The following RXFP1 variants were observed in gnomAD, a reference collection of about 807,000 sequenced individuals.
RXFP1 encodes the protein relaxin family peptide receptor 1, also known as relaxin receptor 1.
A neutral mutation model predicts 89.8 loss-of-function variants in RXFP1; 73 were observed. The observed-to-expected ratio is 0.81, with a 90% CI of 0.67 to 0.99. RXFP1 has a LOEUF of 0.99. Ranked by LOEUF, RXFP1 falls within the 50% of genes least tolerant of loss-of-function variation. The probability of loss-of-function intolerance (pLI) is 0.00; values close to 1 mark genes in which losing one functional copy is unlikely to be tolerated. For missense variants in RXFP1, 793 were observed against 895.5 expected (o/e 0.89, Z 1.46); for synonymous variants, 277 against 305.5 (o/e 0.91, Z 0.97).
At chr4:158,614,128 C>T (rs898379688) in intron 8 of RXFP1, among the ~76,000 whole-genome samples, 1 of 152,100 alleles carries the variant, frequency 6.6e-6, no homozygotes, top group South Asian at 2.1e-4. Flanking sequence ...ATGCTGTAAA[C>T]AGATGTGCTG....
At chr4:158,524,552 T>G (rs1293854515) in intron 1 of RXFP1, among the ~76,000 whole-genome samples, 1 of 152,194 alleles carries the variant, frequency 6.6e-6, no homozygotes, top group African/African-American at 2.4e-5. Context: ...AAAGATTTCC[T>G]TTTAGCCTTG....
At chr4:158,619,444 T>C (rs1580119829) in intron 9 of RXFP1, among the ~76,000 whole-genome samples, 2 of 152,032 alleles carry the variant, frequency 1.3e-5, no homozygotes, top group East Asian at 3.9e-4. Context: ...GGATGAAGAG[T>C]TGGCTGGCGT....
At chr4:158,574,285 T>C (rs1755760993) in intron 2 of RXFP1, among the ~76,000 whole-genome samples, 1 of 152,226 alleles carries the variant, frequency 6.6e-6, no homozygotes, top group Admixed American at 6.5e-5. Flanking sequence ...GGCCTTGCTG[T>C]GATCACTCCC....
At chr4:158,522,753 GA>G (rs1268877257) in intron 1 of RXFP1, among the ~76,000 whole-genome samples, 2 of 152,240 alleles carry the variant, frequency 1.3e-5, no homozygotes, top group Non-Finnish European at 2.9e-5. Context: ...AATAAATGAT[GA>G]AAAAGTCAAA....
At position 158,614,923 on chromosome 4, in the gene RXFP1, CT is replaced by C. The variant is rs199508699; in HGVS notation, c.681-2199del. 1.1e-3 allele frequency among the ~76,000 whole-genome samples: 159 copies of C among 150,776 alleles called. 1 individual carries two copies. In the East Asian group the frequency reaches 0.027, roughly 25 times the overall value. ...CGAGCAGTATATCTTGAAAGAAAAC[CT>C]TTTTTTTTCTGAGAAGTAGGTCTCA... On this transcript the variant is annotated intron_variant, in intron 8 of 17. Coordinates refer to ENST00000307765, the MANE Select transcript of RXFP1 (RefSeq NM_021634.4).
chr4:158,562,659 A>G (rs1004865549), intron 1 of RXFP1, among the ~76,000 whole-genome samples: 34 of 151,502 alleles, frequency 2.2e-4, no homozygotes, highest in African/African-American at 7.3e-4. Context: ...ACCAGGATAT[A>G]TATCTTGAGT....
In RXFP1 at chr4:158,647,011, AC is replaced by A. The variant is rs773875310; in HGVS notation, c.1568del (p.Pro523LeufsTer10). The A allele has an allele frequency of 6.2e-7, 1 of 1,614,128 alleles. No individual in the cohort carries two copies. Among genetic ancestry groups the A allele is most frequent in the South Asian group, 1.1e-5 (1 of 91,084 alleles). ...CIVYPFRCVR[P>X]GKCRTITVLI... is the part of the protein sequence containing the mutation. ...TTGTCTATCCTTTTAGATGTGTGAG[AC>A]CTGGAAAATGCAGAACAATTACAGT... On this transcript the variant is annotated frameshift_variant, in exon 16 of 18. Transcript: ENST00000307765. LOFTEE classifies it high-confidence loss of function.
intron 4 of RXFP1, among the ~76,000 whole-genome samples, chr4:158,603,393 G>A (rs1762030459): frequency 1.3e-5 from 2 of 152,186 alleles, no homozygotes; most frequent in Admixed American, 1.3e-4. Context: ...TTTGGTGACA[G>A]CCAGCAACTG....
intron 9 of RXFP1, among the ~76,000 whole-genome samples, chr4:158,620,587 A>C (rs1207563143): frequency 2.0e-5 from 3 of 152,198 alleles, no homozygotes; most frequent in Non-Finnish European, 4.4e-5. Context: ...ACTGTAAAAC[A>C]AAGACAAGAA....
chr4:158,575,864 A>T, intron 2 of RXFP1, among the ~76,000 whole-genome samples: 1 of 152,262 alleles, frequency 6.6e-6, no homozygotes, highest in East Asian at 1.9e-4. Context: ...TTACAAACAT[A>T]GTGGCCTAAA....
intron 1 of RXFP1, among the ~76,000 whole-genome samples, chr4:158,567,687 AT>A (rs1295187849): frequency 6.6e-6 from 1 of 152,080 alleles, no homozygotes; most frequent in Non-Finnish European, 1.5e-5. Context: ...TATCTAGCTA[AT>A]CTAGTGGGGA....
chr4:158,560,258 A>G (rs937028820), intron 1 of RXFP1, among the ~76,000 whole-genome samples: 51 of 152,206 alleles, frequency 3.4e-4, no homozygotes, highest in African/African-American at 9.9e-4. Flanking sequence ...ACTGAGTCCC[A>G]GAGAAAGATT....
At chr4:158,591,933 A>T (rs922035340) in intron 2 of RXFP1, among the ~76,000 whole-genome samples, 1 of 152,138 alleles carries the variant, frequency 6.6e-6, no homozygotes, top group Admixed American at 6.6e-5. Context: ...ACCAACCCCT[A>T]CCAAGAGAAT....
intron 1 of RXFP1, among the ~76,000 whole-genome samples, chr4:158,525,600 T>C (rs1269756025): frequency 6.6e-6 from 1 of 152,254 alleles, no homozygotes; most frequent in Non-Finnish European, 1.5e-5. Flanking sequence ...TTTAACTTTC[T>C]GTCTGAAAAA....
At chr4:158,561,644 T>TTTTC (rs1752467404) in intron 1 of RXFP1, among the ~76,000 whole-genome samples, 1 of 148,026 alleles carries the variant, frequency 6.8e-6, no homozygotes, top group African/African-American at 2.5e-5. Context: ...TTTTTTTTTT[T>TTTTC]TGAGACAGAG....
intron 1 of RXFP1, among the ~76,000 whole-genome samples, chr4:158,533,384 A>G (rs996109408): frequency 2.0e-5 from 3 of 152,216 alleles, no homozygotes; most frequent in Admixed American, 6.5e-5. Flanking sequence ...GCATAAATGG[A>G]CATTACCCTA....
chr4:158,647,642 G>A (rs1170597377), intron 16 of RXFP1, among the ~76,000 whole-genome samples: 1 of 152,190 alleles, frequency 6.6e-6, no homozygotes, highest in Non-Finnish European at 1.5e-5. Context: ...GCCAAGGTGG[G>A]AGGATCACTT....
intron 3 of RXFP1, among the ~76,000 whole-genome samples, chr4:158,597,541 TACA>T (rs1291818486): frequency 6.6e-6 from 1 of 152,228 alleles, no homozygotes; most frequent in African/African-American, 2.4e-5. Flanking sequence ...TCCATATTAC[TACA>T]ACATCTTTTA....
At chr4:158,524,033 A>C (rs552095786) in intron 1 of RXFP1, among the ~76,000 whole-genome samples, 1 of 152,220 alleles carries the variant, frequency 6.6e-6, no homozygotes, top group South Asian at 2.1e-4. Flanking sequence ...CAAATGATTT[A>C]CCTCTTCTGA....
Sources: allele counts gnomAD v4.1 joint callset (sites outside exome capture counted in the v4.1 genomes callset), GRCh38; gene constraint gnomAD v4.1.1; transcripts MANE v1.5; gene names NCBI Gene and HGNC (gene_info 2026-07-23, HGNC 2026-07-21).